SLC30A5: variants seen among roughly 807,000 people sequenced by gnomAD.
SLC30A5 encodes solute carrier family 30 member 5.
SLC30A5 carries 33 observed loss-of-function variants against 79.6 expected under a neutral mutation model. The observed-to-expected ratio is 0.41, with a 90% CI of 0.31 to 0.55. SLC30A5 has a LOEUF of 0.55. Among genes scored for constraint, SLC30A5 ranks in the 20% least tolerant of loss-of-function variants. The pLI is 0.20. For synonymous variants in SLC30A5, 299 were observed against 319.7 expected, an observed-to-expected ratio of 0.94 and a Z score of 0.69; for missense variants, 788 against 928.1, an observed-to-expected ratio of 0.85 and a Z score of 1.96.
intron 1 of SLC30A5, among the ~76,000 whole-genome samples, chr5:69,094,813 A>G (rs925528260): frequency 5.9e-5 from 9 of 152,144 alleles, no homozygotes; most frequent in Non-Finnish European, 1.2e-4. Flanking sequence ...AACTGAGCAC[A>G]TCGAGGGTCC....
chr5:69,124,177 T>C (rs1181944799), intron 14 of SLC30A5, among the ~76,000 whole-genome samples: 2 of 150,564 alleles, frequency 1.3e-5, no homozygotes, highest in African/African-American at 2.4e-5. Context: ...AAATCAACTT[T>C]TAAAAAAATA....
chr5:69,099,705 G>A (rs1745854814), intron 1 of SLC30A5, among the ~76,000 whole-genome samples: 2 of 152,188 alleles, frequency 1.3e-5, no homozygotes, highest in African/African-American at 2.4e-5. Flanking sequence ...CCAAGGAGGC[G>A]CAAACCAAAG....
At chr5:69,127,853 G>GGTTT in intron 14 of SLC30A5, 151 bp from the exon 15 acceptor site, 1 of 582,418 alleles carries the variant, frequency 1.7e-6, no homozygotes. Flanking sequence ...ATTATGGCTG[G>GGTTT]TTTTTTGTTT....
chr5:69,124,676 A>G (rs1746627896), intron 14 of SLC30A5, among the ~76,000 whole-genome samples: 1 of 152,100 alleles, frequency 6.6e-6, no homozygotes, highest in Admixed American at 6.6e-5. Flanking sequence ...CCCGGGTTCA[A>G]GCGATTCTCC....
In SLC30A5 at chr5:69,104,649, C is replaced by T. The variant is rs149216450; in HGVS notation, c.292C>T (p.His98Tyr). The change falls in exon 4 of 16, where the codon CAT becomes TAT. Residue 98 changes from histidine to tyrosine, a missense_variant. His to Tyr is a moderately conservative substitution (Grantham distance 83). Coordinates refer to ENST00000396591, the MANE Select transcript of SLC30A5 (RefSeq NM_022902.5). ...TKHQWIKIFK[H>Y]AVAGCIISLL... Reference sequence around the variant, plus strand: ...TTTATAGTGGATCAAAATATTTAAACATGCAGTTGCTGGGTGTATTATTTC... The same window carrying T: ...TTTATAGTGGATCAAAATATTTAAATATGCAGTTGCTGGGTGTATTATTTC... The T allele has an allele frequency of 1.0e-5, 16 of 1,535,374 alleles. No homozygotes were observed. In the East Asian group the frequency reaches 3.9e-4, roughly 37 times the overall value.
In SLC30A5 at chr5:69,129,761, G is replaced by A; in HGVS notation, c.*144G>A. The A allele has an allele frequency of 1.7e-6, 1 of 594,508 alleles. No individual in the cohort carries two copies. Among genetic ancestry groups the A allele is most frequent in the Non-Finnish European group, 2.7e-6 (1 of 373,804 alleles). The allele number at this position is 594,508 out of a possible 1,614,324, so 36.8% of individuals were successfully genotyped here. A position where few individuals can be genotyped will look rare whatever the true frequency, so the allele number is the denominator to read the frequency against. The stretch of plus-strand genomic sequence containing the variant: ...ACTGGATCAAGGAATCTTTCTTGAA[G>A]GAAATTTAAATACAGAATGAAACAT... On this transcript the variant is annotated 3_prime_UTR_variant, in exon 16 of 16. Transcript: ENST00000396591.
At position 69,116,156 on chromosome 5, in the gene SLC30A5, G is replaced by A. The variant is rs1280808755; in HGVS notation, c.1014G>A (p.Glu338=). The part of the protein sequence containing the change: ...LRAMNKAAHQ[E]STEHVLSGGV... ...CTATGAACAAAGCAGCACACCAGGA[G>A]AGCACTGAACACGTCCTGTCTGGAG... is the stretch of plus-strand genomic sequence containing the variant. Residue 338 remains glutamate (E), a synonymous_variant, in exon 9 of 16, where the codon GAG becomes GAA. Coordinates refer to ENST00000396591, the MANE Select transcript of SLC30A5 (RefSeq NM_022902.5). The surrounding 1 kb of genome is among the most constrained non-coding windows in gnomAD (Gnocchi z 4.0). The A allele has an allele frequency of 2.5e-6, 4 of 1,614,042 alleles. No individual in the cohort carries two copies. The highest frequency in any genetic ancestry group is 2.7e-5 in the African/African-American group (2 of 74,918).
Position 69,098,845 on chromosome 5 carries a change from A to AC in SLC30A5, c.84-1959dup, listed in dbSNP as rs545056980. On this transcript the variant is annotated intron_variant, in intron 1 of 15. Coordinates refer to ENST00000396591, the MANE Select transcript of SLC30A5 (RefSeq NM_022902.5). ...AGGTGCTCAACAAATGTTAACTGTG[A>AC]CCCTCTGCCCTTCCCCGCAAAGAGG... 1.2e-4 allele frequency among the ~76,000 whole-genome samples: 19 copies of AC among 152,312 alleles called. No homozygotes were observed. The South Asian group carries it at 3.9e-3, about 32-fold the overall frequency.
chr5:69,095,728 A>G (rs1264289249), intron 1 of SLC30A5, among the ~76,000 whole-genome samples: 2 of 152,096 alleles, frequency 1.3e-5, no homozygotes, highest in Non-Finnish European at 2.9e-5. Flanking sequence ...TACTGGGTCA[A>G]TTGACAAAAC....
chr5:69,118,705 G>T, intron 12 of SLC30A5, 77 bp downstream of exon 12: 1 of 1,251,302 alleles, frequency 8.0e-7, no homozygotes, highest in Non-Finnish European at 1.1e-6. Flanking sequence ...TTAATTGTTT[G>T]CAGTTATTGC....
chr5:69,104,963 A>C (rs1477206741), intron 4 of SLC30A5, among the ~76,000 whole-genome samples: 1 of 152,232 alleles, frequency 6.6e-6, no homozygotes, highest in Non-Finnish European at 1.5e-5. Flanking sequence ...TCCAAGTTTC[A>C]GAAAATTTTT....
At chr5:69,106,629 C>CA (rs970052327) in intron 4 of SLC30A5, among the ~76,000 whole-genome samples, 1 of 152,032 alleles carries the variant, frequency 6.6e-6, no homozygotes, top group African/African-American at 2.4e-5. Flanking sequence ...GACAACATGG[C>CA]AAAATCCCAT....
rs1037976134 is a variant in SLC30A5 at position 69,130,766 on chromosome 5, A to G, written c.*1149A>G. 1 of 152,148 alleles carries G rather than the reference A, an allele frequency of 6.6e-6. No homozygotes were observed. Among genetic ancestry groups the G allele is most frequent in the Non-Finnish European group, 1.5e-5 (1 of 68,004 alleles). 9.4% of individuals were successfully genotyped at this position (152,148 alleles called of 1,614,324 possible). A position where few individuals can be genotyped will look rare whatever the true frequency, so the allele number is the denominator to read the frequency against. On this transcript the variant is annotated 3_prime_UTR_variant, in exon 16 of 16. Coordinates refer to ENST00000396591, the MANE Select transcript of SLC30A5 (RefSeq NM_022902.5). ...ACCATAGACAATAACATGCAGTTTT[A>G]TCAGCACCAAAGAATGTTGTCCAAA... is the stretch of plus-strand genomic sequence containing the variant.
At position 69,129,837 on chromosome 5, in the gene SLC30A5, A is replaced by G. The variant is rs1388482317; in HGVS notation, c.*220A>G. On this transcript the variant is annotated 3_prime_UTR_variant, in exon 16 of 16. Transcript: ENST00000396591. ...TAAATTATGTGTATAAAAGGAATCA[A>G]ATTTTGAGTAAACATGATGTATTAC... is the stretch of plus-strand genomic sequence containing the variant. 2 of 368,978 alleles carry G rather than the reference A, an allele frequency of 5.4e-6. No homozygotes were observed. The highest frequency in any genetic ancestry group is 2.1e-5 in the African/African-American group (1 of 48,086). The allele number at this position is 368,978 out of a possible 1,614,324, so 22.9% of individuals were successfully genotyped here. A position where few individuals can be genotyped will look rare whatever the true frequency, so the allele number is the denominator to read the frequency against.
Position 69,107,760 on chromosome 5 carries a change from G to A in SLC30A5, c.360-589G>A, listed in dbSNP as rs573190401. ...TTTTTTTTTTTTTTTTTGAGATGGA[G>A]TCTCACTGTGTCACCAGGCTGGCAT... On this transcript the variant is annotated intron_variant, in intron 4 of 15. Transcript: ENST00000396591. Among the ~76,000 whole-genome samples the A allele has an allele frequency of 6.9e-4, 102 of 148,898 alleles. No individual in the cohort carries two copies. The Middle Eastern group carries it at 0.014, about 20-fold the overall frequency.
At chr5:69,118,686 T>G (rs1199796816) in intron 12 of SLC30A5, 58 bp downstream of exon 12, 15 of 1,435,430 alleles carry the variant, frequency 1.0e-5, no homozygotes, top group Non-Finnish European at 1.4e-5. Flanking sequence ...GTTTTTTCTA[T>G]CCTAAAGTTT....
intron 1 of SLC30A5, among the ~76,000 whole-genome samples, chr5:69,097,621 T>G (rs1448881836): frequency 6.6e-6 from 1 of 152,070 alleles, no homozygotes; most frequent in East Asian, 1.9e-4. Context: ...ATGTGCACCA[T>G]CATGCCCAGT....
rs1257793864 is a variant in SLC30A5 at position 69,115,954 on chromosome 5, T to C, written c.812T>C (p.Ile271Thr). The C allele has an allele frequency of 6.2e-7, 1 of 1,613,576 alleles. No homozygotes were observed. The highest frequency in any genetic ancestry group is 1.1e-5 in the South Asian group (1 of 91,026). The change falls in exon 9 of 16, where the codon ATT becomes ACT. Residue 271 changes from isoleucine to threonine, a missense_variant. Ile to Thr is a moderately conservative substitution (Grantham distance 89). Coordinates refer to ENST00000396591, the MANE Select transcript of SLC30A5 (RefSeq NM_022902.5). ...ESKVESWFSL[I>T]MPFATVIFFV... ...AAAGTGGAGTCTTGGTTTTCTCTCA[T>C]TATGCCTTTTGCAACGGTTATCTTT... is the stretch of plus-strand genomic sequence containing the variant.
rs1260686033 is a variant in SLC30A5, at chr5:69,115,417, G to A, written c.783+10G>A. 5 of 1,599,932 alleles carry A rather than the reference G, an allele frequency of 3.1e-6. No individual in the cohort carries two copies. The East Asian group carries it at 6.7e-5, about 21-fold the overall frequency. ...TTCTGTGACAACTGAGGTAAGATAA[G>A]AGCAAGAATTTATTGGTATTAAATT... On this transcript the variant is annotated intron_variant, in intron 8 of 15. Coordinates refer to ENST00000396591, the MANE Select transcript of SLC30A5 (RefSeq NM_022902.5).
Sources: allele counts gnomAD v4.1 joint callset (sites outside exome capture counted in the v4.1 genomes callset), GRCh38; gene constraint gnomAD v4.1.1; non-coding constraint Gnocchi (gnomAD v3.1); transcripts MANE v1.5; gene names NCBI Gene and HGNC (gene_info 2026-07-23, HGNC 2026-07-21).